E2F2: variants seen among roughly 807,000 people sequenced by gnomAD.
E2F2 encodes E2F transcription factor 2, also known as transcription factor E2F2.
Under a neutral mutation model 42.2 loss-of-function variants are expected in E2F2, and 22 were observed. That is an observed-to-expected ratio of 0.52 (90% CI 0.37 to 0.74). The LOEUF is 0.74. Among genes scored for constraint, E2F2 ranks in the 30% least tolerant of loss-of-function variants. The pLI is 0.00. For synonymous variants in E2F2, 248 were observed against 251.6 expected (o/e 0.99, Z 0.13); for missense variants, 481 against 557.8 (o/e 0.86, Z 1.39).
Position 23,524,383 on chromosome 1 carries a change from T to G in E2F2, c.358A>C (p.Thr120Pro). 6.8e-7 allele frequency: 1 copy of G among 1,463,064 alleles called. No homozygotes were observed. The highest frequency in any genetic ancestry group is 1.1e-5 in the South Asian group (1 of 88,030). The allele number at this position is 1,463,064 out of a possible 1,614,324, so 90.6% of individuals were successfully genotyped here. A position where few individuals can be genotyped will look rare whatever the true frequency, so the allele number is the denominator to read the frequency against. ...CAGAGGCCCCATCAGCACTGCTTAC[T>G]TTTGGGGCTGGGGAGGCCATCCACT... The part of the protein sequence containing the change: ...IRVDGLPSPK[T>P]PKSPGEKTRY... The change falls in exon 2 of 7, where the codon ACC (threonine) becomes CCC (proline). Residue 120 changes from threonine to proline, a missense_variant and splice_region_variant. Thr to Pro is a conservative substitution (Grantham distance 38). Transcript: ENST00000361729.
In E2F2 at chr1:23,509,657, C is replaced by T. The variant is rs1642868350; in HGVS notation, c.*223G>A. On this transcript the variant is annotated 3_prime_UTR_variant, in exon 7 of 7. Transcript: ENST00000361729. ...AAGACTGGATGGGCCTCCCTAGGCC[C>T]AGCTTCCATTAGGAAGGTGAGGACC... The T allele has an allele frequency of 1.2e-6, 1 of 841,400 alleles. No individual in the cohort carries two copies. The allele number at this position is 841,400 out of a possible 1,614,324, so 52.1% of individuals were successfully genotyped here. A position where few individuals can be genotyped will look rare whatever the true frequency, so the allele number is the denominator to read the frequency against.
At chr1:23,520,891 T>C (rs184418228) in intron 4 of E2F2, 22 bp downstream of exon 4, 159 of 1,536,500 alleles carry the variant, frequency 1.0e-4, no homozygotes, top group Non-Finnish European at 1.4e-4. Flanking sequence ...CCCTGACACC[T>C]TCCCCCAACC....
Position 23,530,958 on chromosome 1 carries a change from G to A in E2F2, c.-165C>T. On this transcript the variant is annotated 5_prime_UTR_variant, in exon 1 of 7. Coordinates refer to ENST00000361729, the MANE Select transcript of E2F2 (RefSeq NM_004091.4). This position sits in a 1 kb window ranked among gnomAD's most constrained non-coding sequence, Gnocchi z 4.4. ...GCCGGACCCTCCCCTCCTGGCCCGC[G>A]GCCGAGCAGAGAGCAGCGCTTAGAG... is the stretch of plus-strand genomic sequence containing the variant. The A allele has an allele frequency of 1.2e-6, 1 of 855,880 alleles. No individual in the cohort carries two copies. 53.0% of individuals were successfully genotyped at this position (855,880 alleles called of 1,614,324 possible). A position where few individuals can be genotyped will look rare whatever the true frequency, so the allele number is the denominator to read the frequency against.
At chr1:23,519,672 G>A (rs771383157) in intron 4 of E2F2, among the ~76,000 whole-genome samples, 1 of 152,320 alleles carries the variant, frequency 6.6e-6, no homozygotes, top group East Asian at 1.9e-4. Flanking sequence ...GCTCATGCCT[G>A]TAATCCTAGC....
At chr1:23,514,555 A>G (rs1642978406) in intron 6 of E2F2, among the ~76,000 whole-genome samples, 1 of 151,956 alleles carries the variant, frequency 6.6e-6, no homozygotes, top group Non-Finnish European at 1.5e-5. Context: ...AAACTTCTAT[A>G]AAGAGCTGGA....
intron 1 of E2F2, among the ~76,000 whole-genome samples, chr1:23,525,064 C>A (rs1042378589): frequency 2.6e-5 from 4 of 152,236 alleles, no homozygotes; most frequent in African/African-American, 9.6e-5. Context: ...TCCCCACCCC[C>A]ATGTTTGGGC....
At chr1:23,513,729 G>A (rs548681015) in intron 6 of E2F2, among the ~76,000 whole-genome samples, 16 of 152,000 alleles carry the variant, frequency 1.1e-4, no homozygotes, top group Admixed American at 7.9e-4. Context: ...GACAAGGGTC[G>A]TGGGGACAGC....
chr1:23,519,979 G>A (rs930670243), intron 4 of E2F2, among the ~76,000 whole-genome samples: 1 of 151,762 alleles, frequency 6.6e-6, no homozygotes, highest in Non-Finnish European at 1.5e-5. Context: ...TTGGAAGGCT[G>A]AGGCAGGAGA....
intron 4 of E2F2, among the ~76,000 whole-genome samples, chr1:23,519,701 G>A (rs1044761432): frequency 2.6e-5 from 4 of 151,994 alleles, no homozygotes; most frequent in Non-Finnish European, 2.9e-5. Flanking sequence ...AGGCTGAGGC[G>A]GGTGGATAAC....
In E2F2 at chr1:23,516,425, G is replaced by T; in HGVS notation, c.955C>A (p.Pro319Thr). 6.2e-7 allele frequency: 1 copy of T among 1,603,312 alleles called. No individual in the cohort carries two copies. Among genetic ancestry groups the T allele is most frequent in the Non-Finnish European group, 8.5e-7 (1 of 1,175,336 alleles). ...CTGGGGCAGAGGGTGGAGGTAGAGG[G>T]GAGAGGCTCCTCGGAAGGACTGTCC... ...EPDSPSEEPL[P>T]STSTLCPSPD... Residue 319 changes from proline to threonine, a missense_variant, in exon 6 of 7, where the codon CCC (proline) becomes ACC (threonine). Physicochemically the swap from Pro to Thr is conservative, Grantham distance 38. Transcript: ENST00000361729.
chr1:23,510,124 TG>T lies in E2F2; in HGVS notation c.1069del (p.Gln357SerfsTer44). The T allele has an allele frequency of 1.2e-6, 2 of 1,602,194 alleles. No homozygotes were observed. Among genetic ancestry groups the T allele is most frequent in the Non-Finnish European group, 8.5e-7 (1 of 1,175,054 alleles). On this transcript the variant is annotated frameshift_variant, in exon 7 of 7. Coordinates refer to ENST00000361729, the MANE Select transcript of E2F2 (RefSeq NM_004091.4). LOFTEE classifies it high-confidence loss of function. ...CAGGGATGGAGGCGGTGGGGCCTGC[TG>T]GGGGGTTGGCGCTGGTGCTGGCACT... ...SSVPAPAPTP[Q>X]QAPPPPSLVP... is the part of the protein sequence containing the mutation.
chr1:23,523,345 C>T (rs144603471), intron 2 of E2F2, among the ~76,000 whole-genome samples: 4,493 of 152,108 alleles, frequency 0.03, 223 homozygotes, highest in African/African-American at 0.1. Context: ...TTAGTATAGA[C>T]GGGGTTTCAC....
In E2F2 at chr1:23,530,408, C is replaced by T; in HGVS notation, c.252+134G>A. On this transcript the variant is annotated intron_variant, in intron 1 of 6. Coordinates refer to ENST00000361729, the MANE Select transcript of E2F2 (RefSeq NM_004091.4). The surrounding 1 kb of genome is among the most constrained non-coding windows in gnomAD (Gnocchi z 4.4). Reference sequence around the variant, plus strand: ...ACTCAGATATTGGGGGCACTGGGTCCTGGAAACTGAAAGCTCATCTTCCCT... The same window carrying T: ...ACTCAGATATTGGGGGCACTGGGTCTTGGAAACTGAAAGCTCATCTTCCCT... 7.8e-7 allele frequency: 1 copy of T among 1,277,464 alleles called. No homozygotes were observed. Among genetic ancestry groups the T allele is most frequent in the African/African-American group, 1.5e-5 (1 of 66,784 alleles). 79.1% of individuals were successfully genotyped at this position (1,277,464 alleles called of 1,614,324 possible).
Position 23,530,898 on chromosome 1 carries a change from C to T in E2F2, c.-105G>A. On this transcript the variant is annotated 5_prime_UTR_variant, in exon 1 of 7. Transcript: ENST00000361729. This position sits in a 1 kb window ranked among gnomAD's most constrained non-coding sequence, Gnocchi z 4.4. ...ACGGCCCGCGGCATGGCGCGGAGGC[C>T]GGGGGAAGCCGCCAATGGACGCCTG... The T allele has an allele frequency of 7.3e-7, 1 of 1,368,358 alleles. No individual in the cohort carries two copies. Among genetic ancestry groups the T allele is most frequent in the Non-Finnish European group, 9.5e-7 (1 of 1,054,928 alleles). 84.8% of individuals were successfully genotyped at this position (1,368,358 alleles called of 1,614,324 possible).
chr1:23,530,569 C>T lies in E2F2; in HGVS notation c.225G>A (p.Val75=). The T allele has an allele frequency of 1.2e-6, 2 of 1,612,048 alleles. No homozygotes were observed. Among genetic ancestry groups the T allele is most frequent in the South Asian group, 2.2e-5 (2 of 91,014 alleles). ...ATPHGPEGQV[V]RCLPAGRLPA... ...GCAGCCGGCCTGCCGGCAGGCATCG[C>T]ACAACTTGGCCCTCGGGTCCGTGGG... Residue 75 remains valine, a synonymous_variant, in exon 1 of 7, where the codon GTG becomes GTA. Coordinates refer to ENST00000361729, the MANE Select transcript of E2F2 (RefSeq NM_004091.4). The surrounding 1 kb of genome is among the most constrained non-coding windows in gnomAD (Gnocchi z 4.4).
At chr1:23,521,151 G>C in intron 3 of E2F2, 80 bp from the exon 4 acceptor site, 1 of 1,416,802 alleles carries the variant, frequency 7.1e-7, no homozygotes, top group South Asian at 1.5e-5. Context: ...GTCTATGAGG[G>C]TGCTTCCCTG....
In E2F2 at chr1:23,528,013, G is replaced by A. The variant is rs534489856; in HGVS notation, c.252+2529C>T. ...ACAAAAAGTAATCCCAGCTACTTGG[G>A]AGGCTGAGACAGGAGAATCATTTGA... On this transcript the variant is annotated intron_variant, in intron 1 of 6. Transcript: ENST00000361729. 5.3e-5 allele frequency among the ~76,000 whole-genome samples: 8 copies of A among 152,340 alleles called. No homozygotes were observed. The East Asian group carries it at 1.5e-3, about 29-fold the overall frequency.
At position 23,516,035 on chromosome 1, in the gene E2F2, G is replaced by A. The variant is rs3218187; in HGVS notation, c.1045+300C>T. Reference sequence around the variant, plus strand: ...TGAGTTAGACAGTATTAATTACTGCGCCCAACTCACAGATGAGAAAAATTG... The same window carrying A: ...TGAGTTAGACAGTATTAATTACTGCACCCAACTCACAGATGAGAAAAATTG... On this transcript the variant is annotated intron_variant, in intron 6 of 6. Coordinates refer to ENST00000361729, the MANE Select transcript of E2F2 (RefSeq NM_004091.4). Among the ~76,000 whole-genome samples, 210 of 152,180 alleles carry A rather than the reference G, an allele frequency of 1.4e-3. 6 individuals are homozygous for A. In the East Asian group the frequency reaches 0.025, roughly 18 times the overall value.
At chr1:23,515,422 G>A (rs1363065322) in intron 6 of E2F2, among the ~76,000 whole-genome samples, 1 of 152,164 alleles carries the variant, frequency 6.6e-6, no homozygotes, top group African/African-American at 2.4e-5. Flanking sequence ...TCTATGCCTT[G>A]TGGAGAGAGC....
Sources: allele counts gnomAD v4.1 joint callset (sites outside exome capture counted in the v4.1 genomes callset), GRCh38; gene constraint gnomAD v4.1.1; non-coding constraint Gnocchi (gnomAD v3.1); transcripts MANE v1.5; gene names NCBI Gene and HGNC (gene_info 2026-07-23, HGNC 2026-07-21).